Variants in GRHL2 observed in about 807,000 individuals in gnomAD.
GRHL2 encodes grainyhead-like protein 2 homolog.
GRHL2 carries 21 observed loss-of-function variants against 83.8 expected under a neutral mutation model. That is an observed-to-expected ratio of 0.25 (90% CI 0.18 to 0.36). The LOEUF (loss-of-function observed/expected upper bound fraction) is 0.36. GRHL2 is among the 10% of genes least tolerant of loss of function. GRHL2 has a pLI of 1.00. For synonymous variants in GRHL2, 280 were observed against 278.9 expected, an observed-to-expected ratio of 1.00 and a Z score of -0.04; for missense variants, 623 against 781.8, an observed-to-expected ratio of 0.80 and a Z score of 2.42.
rs565999141 is a variant in GRHL2, at chr8:101,622,872, G to A, written c.1257+3175G>A. 4.6e-5 allele frequency among the ~76,000 whole-genome samples: 7 copies of A among 152,266 alleles called. No homozygotes were observed. The East Asian group carries it at 1.3e-3, about 29-fold the overall frequency. On this transcript the variant is annotated intron_variant, in intron 9 of 15. Transcript: ENST00000646743. ...TCCCCAGAAGTCCCCAAAGTCCATT[G>A]TATCATTCTTATGCCTTTGGGTCAT...
chr8:101,639,194 G>A lies in GRHL2; in HGVS notation c.1517+2266G>A, dbSNP rs528157534. ...AACTCCATTGGTTTGACTTCTCTGTGTTGGCTCACCCTGTGTTATTGTACA... is the reference window on the plus strand; with the variant it reads ...AACTCCATTGGTTTGACTTCTCTGTATTGGCTCACCCTGTGTTATTGTACA... On this transcript the variant is annotated intron_variant, in intron 12 of 15. Coordinates refer to ENST00000646743, the MANE Select transcript of GRHL2 (RefSeq NM_024915.4). Among the ~76,000 whole-genome samples the A allele has an allele frequency of 2.6e-5, 4 of 152,304 alleles. No homozygotes were observed. The South Asian group carries it at 8.3e-4, about 32-fold the overall frequency.
In GRHL2 at chr8:101,590,321, A is replaced by G. The variant is rs115570959; in HGVS notation, c.1004-8736A>G. 7.2e-3 allele frequency among the ~76,000 whole-genome samples: 1,100 copies of G among 152,280 alleles called. 17 individuals carry two copies. Among genetic ancestry groups the G allele is most frequent in the African/African-American group, 0.026 (1,067 of 41,536 alleles). On this transcript the variant is annotated intron_variant, in intron 7 of 15. Coordinates refer to ENST00000646743, the MANE Select transcript of GRHL2 (RefSeq NM_024915.4). ...ACTGCTTTGATTTTGAAAACAGACA[A>G]AAAAATCTCAGAATCTACTTGGACT...
At chr8:101,670,123 T>C (rs1230945537), downstream of GRHL2, among the ~76,000 whole-genome samples, 2 of 152,210 alleles carry the variant, frequency 1.3e-5, no homozygotes, top group Non-Finnish European at 1.5e-5. Context: ...GCTGAAACCA[T>C]GTGGCTCTAA....
intron 14 of GRHL2, among the ~76,000 whole-genome samples, chr8:101,663,220 CA>C (rs1214502616): frequency 6.6e-6 from 1 of 152,104 alleles, no homozygotes; most frequent in Admixed American, 6.6e-5. Context: ...AGAGGTTGAG[CA>C]TGTTATTCTT....
At chr8:101,617,006 A>G (rs2130363604) in intron 8 of GRHL2, among the ~76,000 whole-genome samples, 1 of 152,318 alleles carries the variant, frequency 6.6e-6, no homozygotes, top group Middle Eastern at 3.4e-3. Context: ...CCATCATCTC[A>G]CATCCAATGT....
chr8:101,559,353 CAAAAAAAAAA>C (rs34176940), intron 4 of GRHL2, among the ~76,000 whole-genome samples: 45 of 88,942 alleles, frequency 5.1e-4, no homozygotes, highest in African/African-American at 1.2e-3. Context: ...ACTAAAAATA[CAAAAAAAAAA>C]AAAAAAAAAA....
At chr8:101,522,095 AT>A (rs1026842879) in intron 1 of GRHL2, among the ~76,000 whole-genome samples, 4 of 151,988 alleles carry the variant, frequency 2.6e-5, no homozygotes, top group African/African-American at 7.2e-5. Flanking sequence ...AGCACTAAAG[AT>A]TTTTTTTAAA....
At chr8:101,558,313 T>C in intron 3 of GRHL2, 106 bp from the exon 4 acceptor site, 1 of 1,330,348 alleles carries the variant, frequency 7.5e-7, no homozygotes, top group Non-Finnish European at 1.1e-6. Flanking sequence ...TGTCCCTTAA[T>C]GGCATTAACA....
chr8:101,650,304 G>A (rs749279085), intron 14 of GRHL2, among the ~76,000 whole-genome samples: 8 of 152,146 alleles, frequency 5.3e-5, no homozygotes, highest in African/African-American at 1.4e-4. Flanking sequence ...TTTCATTTGG[G>A]ATACTCTTTT....
chr8:101,669,876 C>T (rs1191180261), downstream of GRHL2: 2 of 152,294 alleles, frequency 1.3e-5, no homozygotes, highest in South Asian at 4.1e-4. Flanking sequence ...GGTAAAGTTA[C>T]TTTGCTGTGC....
intron 14 of GRHL2, among the ~76,000 whole-genome samples, chr8:101,657,870 CAAAG>C (rs959360760): frequency 2.0e-5 from 3 of 151,548 alleles, no homozygotes; most frequent in African/African-American, 7.3e-5. Flanking sequence ...AAGAAAAACA[CAAAG>C]AAAAAAACCC....
chr8:101,561,339 C>T (rs1468915392), intron 4 of GRHL2, among the ~76,000 whole-genome samples: 2 of 152,082 alleles, frequency 1.3e-5, no homozygotes, highest in Non-Finnish European at 2.9e-5. Flanking sequence ...TTTGTTCTAC[C>T]AGGAATCACA....
At chr8:101,542,249 C>G (rs1811168534) in intron 1 of GRHL2, among the ~76,000 whole-genome samples, 1 of 152,160 alleles carries the variant, frequency 6.6e-6, no homozygotes, top group African/African-American at 2.4e-5. Context: ...GAAACCTGCT[C>G]TCTCTTAGGG....
chr8:101,509,187 T>TCTTTCTTTCTTTC (rs5893565), intron 1 of GRHL2, among the ~76,000 whole-genome samples: 1 of 21,052 alleles, frequency 4.8e-5, no homozygotes, highest in Non-Finnish European at 2.6e-4. Context: ...TTTCTTTCTT[T>TCTTTCTTTCTTTC]TCTCTCTTTC....
At chr8:101,545,443 G>GAAA (rs34421761) in intron 2 of GRHL2, among the ~76,000 whole-genome samples, 10 of 58,928 alleles carry the variant, frequency 1.7e-4, no homozygotes, top group East Asian at 1.2e-3. Flanking sequence ...GGGAATTCCT[G>GAAA]AAAAAAAAAA....
At chr8:101,673,077 C>T (rs1246040651), downstream of GRHL2, among the ~76,000 whole-genome samples, 37 of 149,634 alleles carry the variant, frequency 2.5e-4, no homozygotes, top group South Asian at 8.8e-4. Flanking sequence ...AAGGAACAAC[C>T]GGTACCAGCC....
chr8:101,598,226 C>T (rs1415093496), intron 7 of GRHL2, among the ~76,000 whole-genome samples: 1 of 144,286 alleles, frequency 6.9e-6, no homozygotes, highest in African/African-American at 2.6e-5. Flanking sequence ...ACTCTCCATA[C>T]CTAAGTCCAA....
chr8:101,575,517 C>T (rs1186091729), intron 6 of GRHL2, among the ~76,000 whole-genome samples: 1 of 152,158 alleles, frequency 6.6e-6, no homozygotes, highest in African/African-American at 2.4e-5. Context: ...TTCTTACTCC[C>T]CGGCTCTGGA....
At chr8:101,498,149 T>C (rs1424309994) in intron 1 of GRHL2, among the ~76,000 whole-genome samples, 1 of 152,224 alleles carries the variant, frequency 6.6e-6, no homozygotes, top group African/African-American at 2.4e-5. Flanking sequence ...GACAGAGTAT[T>C]GCTCTGTTGC....
Sources: gnomAD v4.1 joint callset for allele counts (sites outside exome capture counted in the v4.1 genomes callset) on GRCh38, gnomAD v4.1.1 for gene constraint, MANE v1.5 for transcripts, NCBI Gene and HGNC (gene_info 2026-07-23, HGNC 2026-07-21) for gene names.